The following CACNA1C variants were observed in gnomAD, a reference collection of about 807,000 sequenced individuals.
CACNA1C encodes the protein voltage-dependent L-type calcium channel subunit alpha-1C.
CACNA1C carries 30 observed loss-of-function variants against 229.0 expected under a neutral mutation model. That is an observed-to-expected ratio of 0.13 (90% CI 0.10 to 0.18). The LOEUF is 0.18. Ranked by LOEUF, CACNA1C falls within the 10% of genes least tolerant of loss-of-function variation. CACNA1C has a pLI of 1.00. For missense variants in CACNA1C, 1,658 were observed against 2,845.0 expected (o/e 0.58, Z 9.49); for synonymous variants, 1,114 against 1,132.5 (o/e 0.98, Z 0.33).
At chr12:2,618,661 C>T (rs547108816) in intron 29 of CACNA1C, among the ~76,000 whole-genome samples, 6 of 152,332 alleles carry the variant, frequency 3.9e-5, no homozygotes, top group South Asian at 2.1e-4. Context: ...GAGCCTGCCC[C>T]GGAGGCAGGA....
chr12:2,008,814 G>A (rs2154481796), intron 1 of CACNA1C, among the ~76,000 whole-genome samples: 1 of 152,262 alleles, frequency 6.6e-6, no homozygotes, highest in Non-Finnish European at 1.5e-5. Flanking sequence ...TTGCCATATT[G>A]TTCATCTCCC....
intron 3 of CACNA1C, among the ~76,000 whole-genome samples, chr12:2,260,368 T>C (rs118059043): frequency 0.048 from 7,238 of 150,476 alleles, 213 homozygotes; most frequent in Middle Eastern, 0.071. Flanking sequence ...CCCAGCTACC[T>C]GGGAGGTTGA....
chr12:2,506,501 TC>T (rs1275557289), intron 8 of CACNA1C, among the ~76,000 whole-genome samples: 7 of 152,254 alleles, frequency 4.6e-5, no homozygotes, highest in Non-Finnish European at 1.0e-4. Context: ...AAGATCATTT[TC>T]AGAATACTTA....
At chr12:2,132,502 T>A (rs1204680923) in intron 3 of CACNA1C, among the ~76,000 whole-genome samples, 1 of 23,618 alleles carries the variant, frequency 4.2e-5, no homozygotes, top group Non-Finnish European at 7.1e-5. Context: ...TTATTGAGAG[T>A]TTTTAGCATG....
At chr12:2,313,206 G>A (rs1487256246) in intron 3 of CACNA1C, among the ~76,000 whole-genome samples, 2 of 152,310 alleles carry the variant, frequency 1.3e-5, no homozygotes, top group Middle Eastern at 3.4e-3. Flanking sequence ...GAGAGTGTGC[G>A]AGGACTGGTT....
chr12:2,419,313 G>A (rs966194931), intron 3 of CACNA1C, among the ~76,000 whole-genome samples: 1 of 152,146 alleles, frequency 6.6e-6, no homozygotes, highest in South Asian at 2.1e-4. Flanking sequence ...AAGATTGGGA[G>A]CAAGAGAGAG....
Position 1,998,282 on chromosome 12 carries a change from C to T in CACNA1C, c.139+27081C>T, listed in dbSNP as rs373980930. Among the ~76,000 whole-genome samples, 26 of 152,290 alleles carry T rather than the reference C, an allele frequency of 1.7e-4. No homozygotes were observed. The East Asian group carries it at 2.5e-3, about 15-fold the overall frequency. ...ACAATGAGAAAATAAGTGTGCTATGCGGATTTAATTAGAAAGAAGAGTGCT... is the reference window on the plus strand; with the variant it reads ...ACAATGAGAAAATAAGTGTGCTATGTGGATTTAATTAGAAAGAAGAGTGCT... On this transcript the variant is annotated intron_variant, in intron 1 of 46. Coordinates refer to the CACNA1C transcript ENST00000682462.
chr12:2,329,638 G>A (rs2096473840), intron 3 of CACNA1C, among the ~76,000 whole-genome samples: 2 of 152,202 alleles, frequency 1.3e-5, no homozygotes, highest in Non-Finnish European at 1.5e-5. Context: ...TTTGGCAAAA[G>A]GAACCGTTTT....
intron 3 of CACNA1C, among the ~76,000 whole-genome samples, chr12:2,355,144 A>T (rs2097323184): frequency 6.6e-6 from 1 of 152,214 alleles, no homozygotes; most frequent in South Asian, 2.1e-4. Context: ...GAACTATTGC[A>T]TAGAAAAGGG....
At chr12:2,127,796 T>G (rs2090698069) in intron 3 of CACNA1C, among the ~76,000 whole-genome samples, 1 of 152,224 alleles carries the variant, frequency 6.6e-6, no homozygotes, top group Non-Finnish European at 1.5e-5. Context: ...AAGAGAGATC[T>G]GAACTGTGTG....
At chr12:2,038,189 A>T (rs2049475132) in intron 1 of CACNA1C, among the ~76,000 whole-genome samples, 1 of 152,198 alleles carries the variant, frequency 6.6e-6, no homozygotes, top group Non-Finnish European at 1.5e-5. Flanking sequence ...TTAGTGACTT[A>T]GGATTTGCAG....
intron 3 of CACNA1C, among the ~76,000 whole-genome samples, chr12:2,439,631 A>C (rs2099196909): frequency 6.6e-6 from 1 of 152,070 alleles, no homozygotes; most frequent in African/African-American, 2.4e-5. Flanking sequence ...AGGAAAGCAT[A>C]CTCGCAAGAA....
intron 14 of CACNA1C, 105 bp downstream of exon 14, chr12:2,581,902 C>G (rs943672027): frequency 8.7e-6 from 6 of 690,830 alleles, no homozygotes; most frequent in South Asian, 3.7e-5. Context: ...CCACAGCCAT[C>G]CTAGATCAGC....
intron 3 of CACNA1C, among the ~76,000 whole-genome samples, chr12:2,195,204 G>A (rs1262873471): frequency 2.0e-5 from 3 of 152,220 alleles, no homozygotes; most frequent in Non-Finnish European, 2.9e-5. Flanking sequence ...TAAGTCATGA[G>A]GAGTGGGTTT....
intron 3 of CACNA1C, among the ~76,000 whole-genome samples, chr12:2,305,775 G>A (rs2094957849): frequency 6.6e-6 from 1 of 152,202 alleles, no homozygotes; most frequent in Non-Finnish European, 1.5e-5. Flanking sequence ...CCTAGAAAGT[G>A]GAGGCTGCAG....
At chr12:2,396,505 G>GGGAATGTGC (rs56668272) in intron 3 of CACNA1C, among the ~76,000 whole-genome samples, 27,332 of 151,990 alleles carry the variant, frequency 0.18, 2,751 homozygotes, top group African/African-American at 0.26. Flanking sequence ...CTCTGGCCTG[G>GGGAATGTGC]GGAATGTGCT....
intron 3 of CACNA1C, among the ~76,000 whole-genome samples, chr12:2,338,152 C>T (rs2096755963): frequency 6.6e-6 from 1 of 152,136 alleles, no homozygotes. Flanking sequence ...CAACTTTAGA[C>T]CCCAGTGCTG....
chr12:2,587,634 A>G (rs1019437354), intron 18 of CACNA1C, among the ~76,000 whole-genome samples: 2 of 152,152 alleles, frequency 1.3e-5, no homozygotes, highest in African/African-American at 4.8e-5. Flanking sequence ...GGATTTTGTC[A>G]CCAGGTCGGC....
Position 2,585,446 on chromosome 12 carries a change from A to G in CACNA1C, c.2410A>G (p.Ile804Val). 6.3e-7 allele frequency: 1 copy of G among 1,599,808 alleles called. No homozygotes were observed. Among genetic ancestry groups the G allele is most frequent in the Non-Finnish European group, 8.5e-7 (1 of 1,172,652 alleles). ...AGTGGGGGAATCCAAGGAGGAGAAGATTGAGCTGAAATCCATCACGGCTGA... is the reference window on the plus strand; with the variant it reads ...AGTGGGGGAATCCAAGGAGGAGAAGGTTGAGCTGAAATCCATCACGGCTGA... ...PAVGESKEEK[I>V]ELKSITADGE... Residue 804 changes from isoleucine (I) to valine (V), a missense_variant, in exon 17 of 47, where the codon ATT (isoleucine) becomes GTT (valine). By Grantham distance (29) the Ile-to-Val change is conservative. This residue lies in a region of CACNA1C where 121 missense variants were observed against 128.8 expected (regional missense o/e 0.94). Transcript: ENST00000399655. This position sits in a 1 kb window ranked among gnomAD's most constrained non-coding sequence, Gnocchi z 4.1.
Sources: allele counts gnomAD v4.1 joint callset (sites outside exome capture counted in the v4.1 genomes callset), GRCh38; gene constraint gnomAD v4.1.1; regional missense constraint gnomAD v4.1.1; non-coding constraint Gnocchi (gnomAD v3.1); transcripts MANE v1.5; gene names NCBI Gene and HGNC (gene_info 2026-07-23, HGNC 2026-07-21).